Variants in MOB3B observed in about 807,000 individuals in gnomAD.
MOB3B encodes MOB kinase activator-like 2B.
Under a neutral mutation model 18.7 loss-of-function variants are expected in MOB3B, and 7 were observed. The ratio of observed to expected loss-of-function variants is 0.37; its 90% confidence interval spans 0.21 to 0.70. The LOEUF (loss-of-function observed/expected upper bound fraction) is 0.70. Among genes scored for constraint, MOB3B ranks in the 30% least tolerant of loss-of-function variants. The pLI, the probability that MOB3B is intolerant of heterozygous loss-of-function variation, is 0.52. For synonymous variants in MOB3B, 111 were observed against 99.9 expected (o/e 1.11, Z -0.66); for missense variants, 253 against 281.3 (o/e 0.90, Z 0.72).
chr9:27,345,464 G>T (rs979016992), intron 3 of MOB3B, among the ~76,000 whole-genome samples: 13 of 152,168 alleles, frequency 8.5e-5, no homozygotes, highest in Non-Finnish European at 1.9e-4. Flanking sequence ...AAACTCTGGA[G>T]AATTCACCTA....
intron 3 of MOB3B, 48 bp downstream of exon 3, chr9:27,358,986 C>A (rs756636442): frequency 3.8e-6 from 6 of 1,580,264 alleles, no homozygotes; most frequent in Non-Finnish European, 5.2e-6. Context: ...GACAAATGGC[C>A]GAGCTCCTGG....
chr9:27,332,201 C>T (rs978530043), intron 3 of MOB3B, among the ~76,000 whole-genome samples: 22 of 152,238 alleles, frequency 1.4e-4, no homozygotes, highest in African/African-American at 5.1e-4. Flanking sequence ...CCATGTTGCC[C>T]TGGTTGGTCT....
At chr9:27,446,171 A>C (rs546445474) in intron 2 of MOB3B, among the ~76,000 whole-genome samples, 1 of 152,216 alleles carries the variant, frequency 6.6e-6, no homozygotes, top group Non-Finnish European at 1.5e-5. Flanking sequence ...TTGAACTCTC[A>C]GAGAAATGAA....
At chr9:27,499,735 G>C (rs976484408) in intron 1 of MOB3B, among the ~76,000 whole-genome samples, 2 of 152,046 alleles carry the variant, frequency 1.3e-5, no homozygotes, top group Admixed American at 1.3e-4. Context: ...GTCACAGCAG[G>C]AAATGAATGG....
intron 3 of MOB3B, among the ~76,000 whole-genome samples, chr9:27,338,631 T>C (rs1250588975): frequency 6.6e-6 from 1 of 152,190 alleles, no homozygotes; most frequent in Non-Finnish European, 1.5e-5. Context: ...CAAGTCCATG[T>C]GGCAAAGCGG....
intron 2 of MOB3B, among the ~76,000 whole-genome samples, chr9:27,380,578 G>A (rs1821562965): frequency 6.6e-6 from 1 of 152,146 alleles, no homozygotes; most frequent in Non-Finnish European, 1.5e-5. Flanking sequence ...AAGCCACTGG[G>A]CATTTTCCAG....
At chr9:27,525,121 T>G (rs1313469032) in intron 1 of MOB3B, among the ~76,000 whole-genome samples, 1 of 152,102 alleles carries the variant, frequency 6.6e-6, no homozygotes, top group Non-Finnish European at 1.5e-5. Context: ...TAAGGAGAGG[T>G]AATGCCAACC....
intron 2 of MOB3B, among the ~76,000 whole-genome samples, chr9:27,409,882 G>C (rs1198287022): frequency 1.3e-5 from 2 of 151,854 alleles, no homozygotes; most frequent in African/African-American, 4.8e-5. Context: ...GAAAAATTCA[G>C]AGAGACAGAA....
At chr9:27,485,272 C>T (rs1049843803) in intron 1 of MOB3B, among the ~76,000 whole-genome samples, 1 of 152,088 alleles carries the variant, frequency 6.6e-6, no homozygotes, top group South Asian at 2.1e-4. Flanking sequence ...AGTAACTTAC[C>T]CAACAACAAC....
intron 3 of MOB3B, among the ~76,000 whole-genome samples, chr9:27,334,009 A>T (rs1820826806): frequency 6.6e-6 from 1 of 152,208 alleles, no homozygotes; most frequent in Admixed American, 6.5e-5. Context: ...ATCCTTTAAG[A>T]TGCAATTGTC....
At chr9:27,401,500 G>T (rs1475543439) in intron 2 of MOB3B, among the ~76,000 whole-genome samples, 1 of 152,090 alleles carries the variant, frequency 6.6e-6, no homozygotes, top group Non-Finnish European at 1.5e-5. Context: ...CCCTCATCTG[G>T]GTCTGTGAGC....
At chr9:27,452,139 C>T (rs1436781740) in intron 2 of MOB3B, among the ~76,000 whole-genome samples, 1 of 152,158 alleles carries the variant, frequency 6.6e-6, no homozygotes, top group African/African-American at 2.4e-5. Context: ...CTCTGATCAC[C>T]AGAATCATCC....
At chr9:27,368,276 TCATC>T (rs1821365787) in intron 2 of MOB3B, among the ~76,000 whole-genome samples, 1 of 151,966 alleles carries the variant, frequency 6.6e-6, no homozygotes, top group Non-Finnish European at 1.5e-5. Flanking sequence ...TCTTGCCCCT[TCATC>T]CATCCATTCT....
At chr9:27,505,795 A>G (rs1338289601) in intron 1 of MOB3B, among the ~76,000 whole-genome samples, 5 of 152,150 alleles carry the variant, frequency 3.3e-5, no homozygotes, top group Non-Finnish European at 7.3e-5. Flanking sequence ...ACACGTGCAA[A>G]GTATATGAAG....
chr9:27,498,816 G>A (rs567948366), intron 1 of MOB3B, among the ~76,000 whole-genome samples: 6 of 152,252 alleles, frequency 3.9e-5, no homozygotes, highest in South Asian at 2.1e-4. Context: ...TTCTTTAAGC[G>A]TAATTGGAAA....
chr9:27,418,335 T>C (rs990264141), intron 2 of MOB3B, among the ~76,000 whole-genome samples: 1 of 152,042 alleles, frequency 6.6e-6, no homozygotes, highest in African/African-American at 2.4e-5. Flanking sequence ...ATTCACTCTA[T>C]GAAGCCAGCA....
At chr9:27,377,512 C>T (rs926693121) in intron 2 of MOB3B, among the ~76,000 whole-genome samples, 3 of 152,142 alleles carry the variant, frequency 2.0e-5, no homozygotes, top group South Asian at 4.1e-4. Flanking sequence ...GACCAGTGTT[C>T]TCAAACGGGA....
At chr9:27,387,747 T>A (rs1173343892) in intron 2 of MOB3B, among the ~76,000 whole-genome samples, 1 of 152,144 alleles carries the variant, frequency 6.6e-6, no homozygotes, top group Non-Finnish European at 1.5e-5. Context: ...CCTTGACCAC[T>A]GACCTGGATT....
At chr9:27,504,939 A>C (rs1399968952) in intron 1 of MOB3B, among the ~76,000 whole-genome samples, 2 of 152,142 alleles carry the variant, frequency 1.3e-5, no homozygotes, top group Admixed American at 1.3e-4. Flanking sequence ...GTGGCCCCAC[A>C]TCACTCTGAC....
Sources: gnomAD v4.1 joint callset for allele counts (sites outside exome capture counted in the v4.1 genomes callset) on GRCh38, gnomAD v4.1.1 for gene constraint, MANE v1.5 for transcripts, NCBI Gene and HGNC (gene_info 2026-07-23, HGNC 2026-07-21) for gene names.